The following HIRIP3 variants were observed in gnomAD, a reference collection of about 807,000 sequenced individuals.
HIRIP3 encodes the protein HIRA interacting protein 3, also known as HIRA-interacting protein 3.
Under a neutral mutation model 50.3 loss-of-function variants are expected in HIRIP3, and 40 were observed. The ratio of observed to expected loss-of-function variants is 0.79; its 90% CI spans 0.62 to 1.03. The LOEUF (loss-of-function observed/expected upper bound fraction) is 1.03. HIRIP3 is among the 50% of genes least tolerant of loss of function. The probability of loss-of-function intolerance (pLI) is 0.00; values close to 1 mark genes in which losing one functional copy is unlikely to be tolerated. For synonymous variants in HIRIP3, 318 were observed against 261.6 expected, an observed-to-expected ratio of 1.22 and a Z score of -2.08; for missense variants, 765 against 705.4, an observed-to-expected ratio of 1.08 and a Z score of -0.96.
chr16:29,995,987 G>T, upstream of HIRIP3: 1 of 568,254 alleles, frequency 1.8e-6, no homozygotes, highest in East Asian at 3.0e-5. Context: ...AGCAGATGAG[G>T]AACCTCGGGG....
In HIRIP3 at chr16:29,994,058, T is replaced by C. The variant is rs1173168457; in HGVS notation, c.1087A>G (p.Ser363Gly). ...ARLGSTSGEESDLEREVSDSE... is the reference protein window; with the variant it reads ...ARLGSTSGEEGDLEREVSDSE... ...TCACTTACCTCCCTCTCCAAGTCAC[T>C]TTCCTCACCACTGGTGCTGCCCAGT... The change falls in exon 4 of 7, where the codon AGT (serine) becomes GGT (glycine). Residue 363 changes from serine to glycine, a missense_variant. Physicochemically the swap from Ser to Gly is moderately conservative, Grantham distance 56. Coordinates refer to ENST00000279392, the MANE Select transcript of HIRIP3 (RefSeq NM_003609.5). 6.2e-7 allele frequency: 1 copy of C among 1,612,432 alleles called. No individual in the cohort carries two copies. Among genetic ancestry groups the C allele is most frequent in the Admixed American group, 1.7e-5 (1 of 59,806 alleles).
chr16:29,995,772 G>A (rs555160164), upstream of HIRIP3: 5 of 762,510 alleles, frequency 6.6e-6, no homozygotes, highest in African/African-American at 8.8e-5. Flanking sequence ...GACGAGACTT[G>A]TTTTCTCTGG....
In HIRIP3 at chr16:29,993,364, G is replaced by A; in HGVS notation, c.1514C>T (p.Pro505Leu). The change falls in exon 7 of 7, where the codon CCA becomes CTA. Residue 505 changes from proline (P) to leucine (L), a missense_variant. Transcript: ENST00000279392. Reference sequence around the variant, plus strand: ...AGGGTTCCAGGCTGTACGTCTGCGTGGCCGGCCTAGGGGAAAGGGGAAACG... The same window carrying A: ...AGGGTTCCAGGCTGTACGTCTGCGTAGCCGGCCTAGGGGAAAGGGGAAACG... ...VANIISGSGR[P>L]RRRTAWNPLG... 1 of 1,553,304 alleles carries A rather than the reference G, an allele frequency of 6.4e-7. No individual in the cohort carries two copies. Among genetic ancestry groups the A allele is most frequent in the South Asian group, 1.2e-5 (1 of 82,894 alleles).
Position 29,993,249 on chromosome 16 carries a change from T to TGA in HIRIP3, c.1627_1628dup (p.Met545IlefsTer77). On this transcript the variant is annotated frameshift_variant, in exon 7 of 7. Coordinates refer to ENST00000279392, the MANE Select transcript of HIRIP3 (RefSeq NM_003609.5). LOFTEE classifies it high-confidence loss of function. Reference sequence around the variant, plus strand: ...CACTGCTGATGATGCCACGCATATGTGACCAGTCTGGGGGTGCGGGACGGG... The same window carrying TGA: ...CACTGCTGATGATGCCACGCATATGTGAGACCAGTCTGGGGGTGCGGGACGGG... 6.3e-7 allele frequency: 1 copy of TGA among 1,586,164 alleles called. No individual in the cohort carries two copies.
At position 29,994,329 on chromosome 16, in the gene HIRIP3, C is replaced by T; in HGVS notation, c.816G>A (p.Glu272=). 1 of 1,614,188 alleles carries T rather than the reference C, an allele frequency of 6.2e-7. No individual in the cohort carries two copies. The highest frequency in any genetic ancestry group is 1.1e-5 in the South Asian group (1 of 91,074). ...GGCTTTTCTGCTTACAGCTCCTCTC[C>T]TCCCTAGCTGACTTTCTCCGGCCAT... ...RSNGRRKSAR[E]ERSCKQKSQA... is the part of the protein sequence containing the mutation. Residue 272 remains glutamate (E), a synonymous_variant, in exon 4 of 7, where the codon GAG becomes GAA. Coordinates refer to ENST00000279392, the MANE Select transcript of HIRIP3 (RefSeq NM_003609.5).
In HIRIP3 at chr16:29,992,374, T is replaced by C. The variant is rs1016654609; in HGVS notation, c.*833A>G. 6.6e-6 allele frequency: 1 copy of C among 152,190 alleles called. No homozygotes were observed. Among genetic ancestry groups the C allele is most frequent in the Non-Finnish European group, 1.5e-5 (1 of 68,044 alleles). The allele number at this position is 152,190 out of a possible 1,614,324, so 9.4% of individuals were successfully genotyped here. A position where few individuals can be genotyped will look rare whatever the true frequency, so the allele number is the denominator to read the frequency against. ...TTTATTGGGCTGTGTATCTAAACATTTCAGTGATTTTAATGACTTTAGGTG... is the reference window on the plus strand; with the variant it reads ...TTTATTGGGCTGTGTATCTAAACATCTCAGTGATTTTAATGACTTTAGGTG... On this transcript the variant is annotated 3_prime_UTR_variant, in exon 7 of 7. Coordinates refer to ENST00000279392, the MANE Select transcript of HIRIP3 (RefSeq NM_003609.5).
rs1221482794 is a variant in HIRIP3 at position 29,995,388 on chromosome 16, C to T, written c.141G>A (p.Lys47=). 6 of 1,613,412 alleles carry T rather than the reference C, an allele frequency of 3.7e-6. No homozygotes were observed. Among genetic ancestry groups the T allele is most frequent in the Admixed American group, 1.7e-5 (1 of 60,000 alleles). The change falls in exon 2 of 7, where the codon AAG becomes AAA. Residue 47 remains lysine, a synonymous_variant. Transcript: ENST00000279392. Reference sequence around the variant, plus strand: ...CCTCCACCAGCCGCTTCAGTGCCTGCTTCTCCTCGGGCTCCAGGTGGCTGC... The same window carrying T: ...CCTCCACCAGCCGCTTCAGTGCCTGTTTCTCCTCGGGCTCCAGGTGGCTGC... The part of the protein sequence containing the change: ...SGRSHLEPEE[K]QALKRLVEEE...
Position 29,992,418 on chromosome 16 carries a change from CA to C in HIRIP3, c.*788del, listed in dbSNP as rs1376445788. On this transcript the variant is annotated 3_prime_UTR_variant, in exon 7 of 7. Coordinates refer to ENST00000279392, the MANE Select transcript of HIRIP3 (RefSeq NM_003609.5). Reference sequence around the variant, plus strand: ...TTAGGTGTGACCAGATCTCGGATCTCAAAGGTGGTCTTCAACCCCTTGACCT... The same window carrying C: ...TTAGGTGTGACCAGATCTCGGATCTCAAGGTGGTCTTCAACCCCTTGACCT... 6.6e-6 allele frequency: 1 copy of C among 151,010 alleles called. No homozygotes were observed. Among genetic ancestry groups the C allele is most frequent in the Non-Finnish European group, 1.5e-5 (1 of 67,832 alleles). The allele number at this position is 151,010 out of a possible 1,614,324, so 9.4% of individuals were successfully genotyped here. A position where few individuals can be genotyped will look rare whatever the true frequency, so the allele number is the denominator to read the frequency against.
At chr16:29,993,833 G>A in intron 4 of HIRIP3, 25 bp from the exon 5 acceptor site, 1 of 1,613,066 alleles carries the variant, frequency 6.2e-7, no homozygotes, top group Non-Finnish European at 8.5e-7. Flanking sequence ...GCAGCTGAAG[G>A]CCAAGCCTGC....
At chr16:29,995,890 G>T, upstream of HIRIP3, 1 of 577,214 alleles carries the variant, frequency 1.7e-6, no homozygotes, top group Non-Finnish European at 3.1e-6. Context: ...AACCTAATCA[G>T]CCCGCGACGC....
At chr16:29,995,839 T>G, upstream of HIRIP3, 1 of 606,756 alleles carries the variant, frequency 1.6e-6, no homozygotes, top group Non-Finnish European at 2.9e-6. Context: ...TTTTAAAAGT[T>G]CTCGTTAGAA....
upstream of HIRIP3, chr16:29,995,778 T>A: frequency 1.4e-6 from 1 of 734,930 alleles, no homozygotes; most frequent in Non-Finnish European, 2.2e-6. Context: ...ACTTGTTTTC[T>A]CTGGGCAGTT....
In HIRIP3 at chr16:29,995,389, T is replaced by G. The variant is rs1279747700; in HGVS notation, c.140A>C (p.Lys47Thr). The change falls in exon 2 of 7, where the codon AAG (lysine) becomes ACG (threonine). Residue 47 changes from lysine (K) to threonine (T), a missense_variant. Coordinates refer to ENST00000279392, the MANE Select transcript of HIRIP3 (RefSeq NM_003609.5). The stretch of plus-strand genomic sequence containing the variant: ...CTCCACCAGCCGCTTCAGTGCCTGC[T>G]TCTCCTCGGGCTCCAGGTGGCTGCG... ...SGRSHLEPEE[K>T]QALKRLVEEE... is the part of the protein sequence containing the mutation. 1.9e-6 allele frequency: 3 copies of G among 1,613,556 alleles called. No homozygotes were observed. In the East Asian group the frequency reaches 6.7e-5, roughly 36 times the overall value.
chr16:29,994,733 C>T lies in HIRIP3; in HGVS notation c.412G>A (p.Ala138Thr). Reference sequence around the variant, plus strand: ...TCCTCATCACTGCTCTCCTCAACTGCCTTTGAGGCTCGCCTTGGATTCTCC... The same window carrying T: ...TCCTCATCACTGCTCTCCTCAACTGTCTTTGAGGCTCGCCTTGGATTCTCC... ...KEENPRRASK[A>T]VEESSDEERQ... The change falls in exon 4 of 7, where the codon GCA (alanine) becomes ACA (threonine). Residue 138 changes from alanine to threonine, a missense_variant. Coordinates refer to ENST00000279392, the MANE Select transcript of HIRIP3 (RefSeq NM_003609.5). 1 of 1,614,216 alleles carries T rather than the reference C, an allele frequency of 6.2e-7. No homozygotes were observed. The highest frequency in any genetic ancestry group is 8.5e-7 in the Non-Finnish European group (1 of 1,180,038).
rs1221750963 is a variant in HIRIP3, at chr16:29,992,332, G to T, written c.*875C>A. The T allele has an allele frequency of 6.6e-6, 1 of 152,158 alleles. No homozygotes were observed. The highest frequency in any genetic ancestry group is 1.5e-5 in the Non-Finnish European group (1 of 68,036). 9.4% of individuals were successfully genotyped at this position (152,158 alleles called of 1,614,324 possible). ...CAGTGGCCACTGAATAGTACTGCTT[G>T]TGTTTTATAAAGAGAATTTATTGGG... On this transcript the variant is annotated 3_prime_UTR_variant, in exon 7 of 7. Transcript: ENST00000279392.
rs994509620 is a variant in HIRIP3 at position 29,994,005 on chromosome 16, C to T, written c.1140G>A (p.Gly380=). 2.5e-6 allele frequency: 4 copies of T among 1,596,404 alleles called. No individual in the cohort carries two copies. The highest frequency in any genetic ancestry group is 3.4e-6 in the Non-Finnish European group (4 of 1,171,268). Residue 380 remains glycine, a synonymous_variant, in exon 4 of 7, where the codon GGG becomes GGA. Transcript: ENST00000279392. The part of the protein sequence containing the change: ...SDSEAGGGPQ[G]ERKNRSSKKS... ...TCTTGGAAGAGCGGTTCTTCCTCTC[C>T]CCCTGGGGGCCTCCCCCTGCCTCGC...
Position 29,993,978 on chromosome 16 carries a change from C to A in HIRIP3, c.1167G>T (p.Lys389Asn). ...TTCGTGTCCTGCCTTTCCTGGAGCTCTTCTTGGAAGAGCGGTTCTTCCTCT... is the reference window on the plus strand; with the variant it reads ...TTCGTGTCCTGCCTTTCCTGGAGCTATTCTTGGAAGAGCGGTTCTTCCTCT... ...QGERKNRSSK[K>N]SSRKGRTRSS... Residue 389 changes from lysine (K) to asparagine (N), a missense_variant, in exon 4 of 7, where the codon AAG becomes AAT. Physicochemically the swap from Lys to Asn is moderately conservative, Grantham distance 94. Coordinates refer to ENST00000279392, the MANE Select transcript of HIRIP3 (RefSeq NM_003609.5). 1.3e-6 allele frequency: 2 copies of A among 1,574,550 alleles called. No homozygotes were observed. The highest frequency in any genetic ancestry group is 1.7e-6 in the Non-Finnish European group (2 of 1,161,488).
Position 29,993,953 on chromosome 16 carries a change from T to A in HIRIP3, c.1192A>T (p.Ser398Cys). The change falls in exon 4 of 7, where the codon AGC (serine) becomes TGC (cysteine). Residue 398 changes from serine (S) to cysteine (C), a missense_variant. Transcript: ENST00000279392. ...CTTCCATCTGAGGAGGAAGAGGAGC[T>A]TCGTGTCCTGCCTTTCCTGGAGCTC... ...KKSSRKGRTRSSSSSSDGSPE... is the reference protein window; with the variant it reads ...KKSSRKGRTRCSSSSSDGSPE... 1 of 1,560,210 alleles carries A rather than the reference T, an allele frequency of 6.4e-7. No individual in the cohort carries two copies. Among genetic ancestry groups the A allele is most frequent in the Non-Finnish European group, 8.7e-7 (1 of 1,153,536 alleles).
chr16:29,994,751 G>T lies in HIRIP3; in HGVS notation c.394C>A (p.Pro132Thr). The T allele has an allele frequency of 6.2e-7, 1 of 1,614,152 alleles. No individual in the cohort carries two copies. The highest frequency in any genetic ancestry group is 2.2e-5 in the East Asian group (1 of 44,880). The change falls in exon 4 of 7, where the codon CCA becomes ACA. Residue 132 changes from proline to threonine, a missense_variant. Pro to Thr is a conservative substitution (Grantham distance 38, BLOSUM62 -1). Transcript: ENST00000279392. ...AEVSPAKEEN[P>T]RRASKAVEES... ...TCAACTGCCTTTGAGGCTCGCCTTG[G>T]ATTCTCCTCTTTGGCTGGGCTGACT... is the stretch of plus-strand genomic sequence containing the variant.
Sources: allele counts gnomAD v4.1 joint callset, GRCh38; gene constraint gnomAD v4.1.1; transcripts MANE v1.5; gene names NCBI Gene and HGNC (gene_info 2026-07-23, HGNC 2026-07-21).